The following POLR3H variants were observed in gnomAD, a reference collection of about 807,000 sequenced individuals.
The protein encoded by POLR3H is DNA-directed RNA polymerase III subunit RPC8.
Under a neutral mutation model 25.5 loss-of-function variants are expected in POLR3H, and 17 were observed. The observed-to-expected ratio is 0.67, with a 90% CI of 0.46 to 1.00. The LOEUF (loss-of-function observed/expected upper bound fraction) is 1.00, where lower values mean the gene tolerates loss of function less well. Ranked by LOEUF, POLR3H falls within the 50% of genes least tolerant of loss-of-function variation. The pLI, the probability that POLR3H is intolerant of heterozygous loss-of-function variation, is 0.00. For synonymous variants in POLR3H, 129 were observed against 103.0 expected (o/e 1.25, Z -1.53); for missense variants, 274 against 265.0 (o/e 1.03, Z -0.24).
At chr22:41,534,577 T>G (rs78833032) in intron 2 of POLR3H, among the ~76,000 whole-genome samples, 1,798 of 152,178 alleles carry the variant, frequency 0.012, 38 homozygotes, top group African/African-American at 0.041. Context: ...GGGCGGGGTT[T>G]CTTTGTAGGG....
intron 2 of POLR3H, among the ~76,000 whole-genome samples, chr22:41,538,988 G>C (rs192135337): frequency 3.0e-4 from 45 of 152,246 alleles, no homozygotes; most frequent in East Asian, 7.7e-4. Context: ...TGGGGCTGGG[G>C]GCAGTGGCTC....
chr22:41,533,788 C>G, intron 2 of POLR3H: 12 of 1,048,050 alleles, frequency 1.1e-5, no homozygotes, highest in Non-Finnish European at 1.6e-5. Flanking sequence ...GGGCCACTTA[C>G]GCACAGATGG....
intron 2 of POLR3H, chr22:41,533,461 C>T: frequency 1.8e-6 from 2 of 1,141,472 alleles, no homozygotes; most frequent in South Asian, 1.6e-5. Flanking sequence ...TGGCTCAGAG[C>T]CAGGGTGACC....
At chr22:41,533,282 G>A (rs2066778770) in intron 2 of POLR3H, among the ~76,000 whole-genome samples, 2 of 152,204 alleles carry the variant, frequency 1.3e-5, no homozygotes, top group Admixed American at 1.3e-4. Context: ...TGGGGTCTGT[G>A]CCCACATCGC....
intron 2 of POLR3H, chr22:41,539,204 A>T (rs2066894102): frequency 6.6e-6 from 1 of 152,134 alleles, no homozygotes; most frequent in African/African-American, 2.4e-5. Context: ...GGTTGCAGTG[A>T]GCCAAGATCA....
intron 2 of POLR3H, among the ~76,000 whole-genome samples, chr22:41,538,390 T>C (rs898909293): frequency 5.3e-5 from 8 of 151,998 alleles, no homozygotes; most frequent in African/African-American, 1.9e-4. Context: ...CCTCCCAAAG[T>C]GCTGGGATTA....
At chr22:41,532,403 C>T (rs192200694) in intron 3 of POLR3H, among the ~76,000 whole-genome samples, 3 of 152,204 alleles carry the variant, frequency 2.0e-5, no homozygotes, top group Admixed American at 6.5e-5. Context: ...GGCCAGTGGG[C>T]GCTAAAGACT....
At chr22:41,531,146 G>C (rs2145541430) in intron 4 of POLR3H, among the ~76,000 whole-genome samples, 1 of 152,324 alleles carries the variant, frequency 6.6e-6, no homozygotes, top group African/African-American at 2.4e-5. Flanking sequence ...ATGGATCTCA[G>C]AGCACCAGAG....
chr22:41,532,514 A>G, intron 3 of POLR3H, 145 bp downstream of exon 3: 2 of 1,449,176 alleles, frequency 1.4e-6, no homozygotes, highest in Non-Finnish European at 9.4e-7. Context: ...CAACACATAA[A>G]AGGGAGGGTG....
intron 1 of POLR3H, among the ~76,000 whole-genome samples, chr22:41,542,311 T>C (rs909512551): frequency 1.3e-5 from 2 of 152,118 alleles, no homozygotes; most frequent in Non-Finnish European, 2.9e-5. Context: ...CTCAAACTCC[T>C]GACCTTGGGT....
intron 2 of POLR3H, 84 bp downstream of exon 2, chr22:41,540,614 CA>C: frequency 9.7e-7 from 1 of 1,028,398 alleles, no homozygotes; most frequent in South Asian, 1.3e-5. Context: ...AGGCACGCAC[CA>C]CTGAACCTGG....
intron 1 of POLR3H, 100 bp from the exon 2 acceptor site, chr22:41,540,895 C>T: frequency 1.2e-6 from 1 of 820,178 alleles, no homozygotes; most frequent in Non-Finnish European, 2.0e-6. Context: ...CACAAGCAAG[C>T]CATGATTATC....
rs1298985222 is a variant in POLR3H at position 41,528,161 on chromosome 22, C to G, written c.*1122G>C. On this transcript the variant is annotated 3_prime_UTR_variant, in exon 6 of 6. Coordinates refer to ENST00000355209, the MANE Select transcript of POLR3H (RefSeq NM_001018050.4). ...GCCCCCAGTTCTCCAGGTGGCCCCA[C>G]AGAGAAAGCAAAGTGGCTTCTCAGA... 2.7e-5 allele frequency: 36 copies of G among 1,344,662 alleles called. No individual in the cohort carries two copies. Among genetic ancestry groups the G allele is most frequent in the Non-Finnish European group, 3.5e-5 (35 of 987,606 alleles). The allele number at this position is 1,344,662 out of a possible 1,614,324, so 83.3% of individuals were successfully genotyped here.
rs1437357236 is a variant in POLR3H, at chr22:41,526,265, A to C, written c.*3018T>G. 1 of 1,611,438 alleles carries C rather than the reference A, an allele frequency of 6.2e-7. No homozygotes were observed. The highest frequency in any genetic ancestry group is 8.5e-7 in the Non-Finnish European group (1 of 1,179,482). The stretch of plus-strand genomic sequence containing the variant: ...TCCTCTCTACTTACCACCCAAGGTC[A>C]AAGGGAAGTGTACCACTGACCACAT... On this transcript the variant is annotated 3_prime_UTR_variant, in exon 6 of 6. Coordinates refer to ENST00000355209, the MANE Select transcript of POLR3H (RefSeq NM_001018050.4).
intron 2 of POLR3H, among the ~76,000 whole-genome samples, chr22:41,537,100 G>C (rs1432627586): frequency 1.3e-5 from 2 of 152,102 alleles, no homozygotes; most frequent in African/African-American, 2.4e-5. Context: ...GGAGGATGTG[G>C]GGAACACGGG....
Position 41,528,418 on chromosome 22 carries a change from C to CT in POLR3H, c.*864dup. ...GCAGTGCCCTGTCTCCCTGACCCCC[C>CT]TGCGGGGCCAAGGGCACACAGTACC... On this transcript the variant is annotated 3_prime_UTR_variant, in exon 6 of 6. Transcript: ENST00000355209. The CT allele has an allele frequency of 4.4e-6, 7 of 1,586,184 alleles. No homozygotes were observed. Among genetic ancestry groups the CT allele is most frequent in the Non-Finnish European group, 6.0e-6 (7 of 1,167,244 alleles).
chr22:41,541,259 C>T (rs1277384921), intron 1 of POLR3H, among the ~76,000 whole-genome samples: 1 of 152,156 alleles, frequency 6.6e-6, no homozygotes, highest in African/African-American at 2.4e-5. Context: ...GTGCACTCTC[C>T]GACATCCCAA....
At chr22:41,532,988 T>G (rs562072999) in intron 2 of POLR3H, among the ~76,000 whole-genome samples, 1 of 152,212 alleles carries the variant, frequency 6.6e-6, no homozygotes, top group Non-Finnish European at 1.5e-5. Flanking sequence ...GAGCCCAGAT[T>G]CTGAGCCATC....
At chr22:41,532,030 G>C in intron 4 of POLR3H, 64 bp downstream of exon 4, 1 of 1,469,436 alleles carries the variant, frequency 6.8e-7, no homozygotes. Flanking sequence ...CCTAAGGAGT[G>C]GGGACCTTCC....
Sources: allele counts gnomAD v4.1 joint callset (sites outside exome capture counted in the v4.1 genomes callset), GRCh38; gene constraint gnomAD v4.1.1; transcripts MANE v1.5; gene names NCBI Gene and HGNC (gene_info 2026-07-23, HGNC 2026-07-21).